The following ETFA variants were observed in gnomAD, a reference collection of about 807,000 sequenced individuals.
ETFA encodes electron transfer flavoprotein subunit alpha, mitochondrial.
Under a neutral mutation model 46.2 loss-of-function variants are expected in ETFA, and 22 were observed. That is an observed-to-expected ratio of 0.48 (90% CI 0.34 to 0.68). ETFA has a LOEUF of 0.68. Among genes scored for constraint, ETFA ranks in the 30% least tolerant of loss-of-function variants. ETFA has a pLI of 0.01. For synonymous variants in ETFA, 131 were observed against 139.9 expected (o/e 0.94, Z 0.45); for missense variants, 345 against 401.1 (o/e 0.86, Z 1.19).
intron 1 of ETFA, among the ~76,000 whole-genome samples, 199 bp from the exon 2 acceptor site, chr15:76,295,936 C>CTTTTTTTTTTTTTTTTGTTTTT (rs2039816940): frequency 2.1e-5 from 1 of 46,602 alleles, no homozygotes; most frequent in African/African-American, 6.7e-5. Flanking sequence ...CACTAATATT[C>CTTTTTTTTTTTTTTTTGTTTTT]TTTTTTTTTT....
At chr15:76,260,195 T>C in intron 9 of ETFA, 1 of 1,402,798 alleles carries the variant, frequency 7.1e-7, no homozygotes, top group Non-Finnish European at 1.0e-6. Flanking sequence ...GTTTTTCCTT[T>C]AGTTCGCTGT....
intron 11 of ETFA, among the ~76,000 whole-genome samples, chr15:76,224,469 G>T (rs2038985614): frequency 6.6e-6 from 1 of 152,218 alleles, no homozygotes. Context: ...TGCAGTCTGA[G>T]CCATCACGGA....
intron 8 of ETFA, among the ~76,000 whole-genome samples, chr15:76,280,476 G>T (rs1182501497): frequency 1.3e-5 from 2 of 151,946 alleles, no homozygotes; most frequent in African/African-American, 4.8e-5. Flanking sequence ...AACTACCCTG[G>T]TCCAAACTAT....
chr15:76,256,613 T>G (rs1490309236), intron 9 of ETFA, among the ~76,000 whole-genome samples: 2 of 152,208 alleles, frequency 1.3e-5, no homozygotes, highest in African/African-American at 4.8e-5. Context: ...AAAATCAAAA[T>G]TCTAAAACAC....
intron 9 of ETFA, among the ~76,000 whole-genome samples, chr15:76,269,422 G>GA (rs749553474): frequency 4.6e-5 from 7 of 152,150 alleles, no homozygotes; most frequent in South Asian, 4.1e-4. Context: ...ACGTTTCAAA[G>GA]AAAATGCTAC....
intron 9 of ETFA, among the ~76,000 whole-genome samples, chr15:76,233,639 AT>A (rs2039092805): frequency 6.6e-6 from 1 of 152,144 alleles, no homozygotes; most frequent in Non-Finnish European, 1.5e-5. Flanking sequence ...TCAATAGGTA[AT>A]TTTAAGGTCA....
At chr15:76,247,480 A>G (rs1473855208) in intron 9 of ETFA, among the ~76,000 whole-genome samples, 3 of 152,186 alleles carry the variant, frequency 2.0e-5, no homozygotes, top group Non-Finnish European at 4.4e-5. Flanking sequence ...TCCAATAGTA[A>G]GCTCCTTTGC....
At position 76,299,199 on chromosome 15, in the gene ETFA, A is replaced by C. The variant is rs555426003; in HGVS notation, c.40-3462T>G. Among the ~76,000 whole-genome samples, 4 of 152,266 alleles carry C rather than the reference A, an allele frequency of 2.6e-5. No homozygotes were observed. In the East Asian group the frequency reaches 7.7e-4, roughly 29 times the overall value. ...GTCATCAGCCTTACCTGGGCTCTCA[A>C]AACTGTCTAGCAATGCTACCACAAC... On this transcript the variant is annotated intron_variant, in intron 1 of 11. Coordinates refer to ENST00000557943, the MANE Select transcript of ETFA (RefSeq NM_000126.4).
chr15:76,283,815 C>T lies in ETFA; in HGVS notation c.675G>A (p.Leu225=). The T allele has an allele frequency of 6.2e-7, 1 of 1,609,722 alleles. No individual in the cohort carries two copies. Among genetic ancestry groups the T allele is most frequent in the South Asian group, 1.1e-5 (1 of 90,770 alleles). Residue 225 remains leucine, a synonymous_variant, in exon 8 of 12, where the codon TTG becomes TTA. Coordinates refer to ENST00000557943, the MANE Select transcript of ETFA (RefSeq NM_000126.4). The part of the protein sequence containing the change: ...AKVVVSGGRG[L]KSGENFKLLY... ...ACAACTTAAAGTTCTCTCCACTCTTCAAGCCTCGACCTCATTTAAAAAGAT... is the reference window on the plus strand; with the variant it reads ...ACAACTTAAAGTTCTCTCCACTCTTTAAGCCTCGACCTCATTTAAAAAGAT...
chr15:76,293,002 T>C (rs1417824927), intron 2 of ETFA, among the ~76,000 whole-genome samples: 3 of 152,078 alleles, frequency 2.0e-5, no homozygotes, highest in Non-Finnish European at 4.4e-5. Flanking sequence ...CTAGGCATGG[T>C]GGCGGGCACC....
At chr15:76,237,220 T>G (rs984594156) in intron 9 of ETFA, among the ~76,000 whole-genome samples, 1 of 152,072 alleles carries the variant, frequency 6.6e-6, no homozygotes, top group Non-Finnish European at 1.5e-5. Flanking sequence ...GCCCGGCTAA[T>G]TTTTGTACTC....
rs777742977 is a variant in ETFA at position 76,216,601 on chromosome 15, C to A, written c.964-4G>T. ...TCTCAGTCATTTCAGGAACTACCTG[C>A]AAATAAAAACAAAAAGTAATTAAGC... On this transcript the variant is annotated splice_polypyrimidine_tract_variant and splice_region_variant and intron_variant, in intron 11 of 11. Transcript: ENST00000557943. The A allele has an allele frequency of 6.4e-7, 1 of 1,567,456 alleles. No individual in the cohort carries two copies. Among genetic ancestry groups the A allele is most frequent in the Non-Finnish European group, 8.8e-7 (1 of 1,137,550 alleles).
chr15:76,292,639 A>T lies in ETFA; in HGVS notation c.248T>A (p.Val83Glu). 6.2e-7 allele frequency: 1 copy of T among 1,613,796 alleles called. No homozygotes were observed. The highest frequency in any genetic ancestry group is 8.5e-7 in the Non-Finnish European group (1 of 1,179,636). ...IAKVLVAQHD[V>E]YKGLLPEELT... ...CTCACCTGGAAGTAGGCCTTTGTAC[A>T]CATCATGCTGAGCCACCAGAACTTT... is the stretch of plus-strand genomic sequence containing the variant. Residue 83 changes from valine (V) to glutamate (E), a missense_variant, in exon 3 of 12, where the codon GTG (valine) becomes GAG (glutamate). Coordinates refer to ENST00000557943, the MANE Select transcript of ETFA (RefSeq NM_000126.4).
chr15:76,298,514 G>C (rs538162572), intron 1 of ETFA, among the ~76,000 whole-genome samples: 10 of 152,240 alleles, frequency 6.6e-5, no homozygotes, highest in South Asian at 2.1e-4. Flanking sequence ...ACTGTGCTAA[G>C]CAGTTTTATA....
At chr15:76,220,932 T>A (rs2038950890) in intron 11 of ETFA, among the ~76,000 whole-genome samples, 1 of 152,222 alleles carries the variant, frequency 6.6e-6, no homozygotes, top group Admixed American at 6.5e-5. Context: ...ATTCAAAATG[T>A]TAAACTCAGA....
chr15:76,232,787 T>C (rs751341445), intron 9 of ETFA, among the ~76,000 whole-genome samples: 4 of 152,222 alleles, frequency 2.6e-5, no homozygotes, highest in Non-Finnish European at 5.9e-5. Context: ...GCACTGGTGC[T>C]TGTAAAGAAA....
intron 1 of ETFA, among the ~76,000 whole-genome samples, chr15:76,301,068 G>A (rs1230060023): frequency 6.6e-6 from 1 of 152,154 alleles, no homozygotes; most frequent in Non-Finnish European, 1.5e-5. Flanking sequence ...TGGAGATGAT[G>A]ATAATAATAT....
At chr15:76,310,762 T>C (rs1426946240) in intron 1 of ETFA, among the ~76,000 whole-genome samples, 1 of 152,226 alleles carries the variant, frequency 6.6e-6, no homozygotes, top group Non-Finnish European at 1.5e-5. Context: ...TCGCAGGTTT[T>C]ACAAATACAA....
At chr15:76,309,477 A>C (rs1367160779) in intron 1 of ETFA, among the ~76,000 whole-genome samples, 1 of 152,234 alleles carries the variant, frequency 6.6e-6, no homozygotes, top group African/African-American at 2.4e-5. Flanking sequence ...CAAACAAAAA[A>C]AACAGCTATT....
Sources: gnomAD v4.1 joint callset for allele counts (sites outside exome capture counted in the v4.1 genomes callset) on GRCh38, gnomAD v4.1.1 for gene constraint, MANE v1.5 for transcripts, NCBI Gene and HGNC (gene_info 2026-07-23, HGNC 2026-07-21) for gene names.